The following FCER1A variants were observed in gnomAD, a reference collection of about 807,000 sequenced individuals.
FCER1A encodes the protein high affinity immunoglobulin epsilon receptor subunit alpha.
A neutral mutation model predicts 23.6 loss-of-function variants in FCER1A; 24 were observed. That is an observed-to-expected ratio of 1.02 (90% confidence interval 0.74 to 1.43). The LOEUF (loss-of-function observed/expected upper bound fraction) is 1.43, where lower values mean the gene tolerates loss of function less well. Among genes scored for constraint, FCER1A ranks in the 40% most tolerant of loss-of-function variants. The pLI is 0.00. For synonymous variants in FCER1A, 121 were observed against 108.8 expected (o/e 1.11, Z -0.70); for missense variants, 318 against 294.5 (o/e 1.08, Z -0.58).
intron 4 of FCER1A, among the ~76,000 whole-genome samples, chr1:159,306,461 A>G (rs184361590): frequency 6.6e-6 from 1 of 152,328 alleles, no homozygotes; most frequent in Admixed American, 6.5e-5. Context: ...TGCTTGCACT[A>G]TGAAATTTTT....
intron 1 of FCER1A, among the ~76,000 whole-genome samples, chr1:159,296,888 GT>G (rs1373340118): frequency 1.3e-5 from 2 of 152,092 alleles, no homozygotes; most frequent in Non-Finnish European, 2.9e-5. Flanking sequence ...CCCTCCCACT[GT>G]TCCCATCCTC....
chr1:159,304,276 C>G (rs1401542889), intron 3 of FCER1A, 94 bp downstream of exon 3: 1 of 1,260,676 alleles, frequency 7.9e-7, no homozygotes, highest in African/African-American at 1.5e-5. Flanking sequence ...GGTTAGGACA[C>G]CAGAGTGGGA....
chr1:159,293,909 G>A (rs1652227525), intron 1 of FCER1A, among the ~76,000 whole-genome samples: 1 of 151,618 alleles, frequency 6.6e-6, no homozygotes, highest in Non-Finnish European at 1.5e-5. Context: ...GTGGGCGAAG[G>A]ACATGAACAG....
intron 3 of FCER1A, among the ~76,000 whole-genome samples, chr1:159,304,510 G>A (rs1418929088): frequency 1.3e-5 from 2 of 152,158 alleles, no homozygotes; most frequent in South Asian, 2.1e-4. Context: ...GGGAGGCTGA[G>A]GCAGGAGAAT....
chr1:159,302,625 C>G (rs184864413), intron 1 of FCER1A, among the ~76,000 whole-genome samples: 4 of 152,278 alleles, frequency 2.6e-5, no homozygotes, highest in Admixed American at 6.5e-5. Context: ...AGACTGAAAG[C>G]TTGGTTCCTT....
At chr1:159,289,445 T>C (rs949511646), upstream of FCER1A, among the ~76,000 whole-genome samples, 5 of 152,182 alleles carry the variant, frequency 3.3e-5, no homozygotes, top group Admixed American at 6.5e-5. Flanking sequence ...ATCTTTCCAT[T>C]TCATACACAC....
chr1:159,306,377 G>A (rs927344073), intron 4 of FCER1A, 132 bp downstream of exon 4: 18 of 746,596 alleles, frequency 2.4e-5, no homozygotes, highest in Non-Finnish European at 3.7e-5. Flanking sequence ...CTTGCAATGA[G>A]GAGACCTGGG....
At chr1:159,299,452 G>A (rs1389389318), upstream of FCER1A, among the ~76,000 whole-genome samples, 4 of 152,116 alleles carry the variant, frequency 2.6e-5, no homozygotes, top group South Asian at 2.1e-4. Flanking sequence ...AGCCTCTCAC[G>A]CTGGATCCAG....
At chr1:159,302,310 T>C (rs1032429243), upstream of FCER1A, 26 of 1,259,648 alleles carry the variant, frequency 2.1e-5, no homozygotes, top group South Asian at 3.1e-4. Context: ...TTTAAGCCTA[T>C]ATTTGAAGCC....
chr1:159,295,950 G>A (rs1420443255), intron 1 of FCER1A, among the ~76,000 whole-genome samples: 1 of 152,076 alleles, frequency 6.6e-6, no homozygotes. Context: ...TGATGCTAGA[G>A]AAAAGAATAA....
At position 159,307,752 on chromosome 1, in the gene FCER1A, G is replaced by A. The variant is rs142312060; in HGVS notation, c.594G>A (p.Pro198=). The change falls in exon 5 of 5, where the codon CCG becomes CCA. Residue 198 remains proline (P), a synonymous_variant. Transcript: ENST00000693622. Reference sequence around the variant, plus strand: ...TGCATCTGTGTTCCACTACAGCTCCGCGTGAGAAGTACTGGCTACAATTTT... The same window carrying A: ...TGCATCTGTGTTCCACTACAGCTCCACGTGAGAAGTACTGGCTACAATTTT... ...EPLNITVIKA[P]REKYWLQFFI... is the part of the protein sequence containing the mutation. 3.3e-3 allele frequency: 5,266 copies of A among 1,597,152 alleles called. 29 individuals carry two copies. Among genetic ancestry groups the A allele is most frequent in the Middle Eastern group, 0.015 (92 of 6,006 alleles).
chr1:159,285,020 C>T (rs569167672), upstream of FCER1A, among the ~76,000 whole-genome samples: 42 of 152,252 alleles, frequency 2.8e-4, no homozygotes, highest in South Asian at 2.7e-3. Context: ...TGAGTCTAGA[C>T]TAGGGTTTCT....
chr1:159,300,295 T>A (rs1339295185), upstream of FCER1A, among the ~76,000 whole-genome samples: 1 of 152,130 alleles, frequency 6.6e-6, no homozygotes, highest in Non-Finnish European at 1.5e-5. Context: ...AATAGACTAT[T>A]TGAGTCATGG....
intron 1 of FCER1A, among the ~76,000 whole-genome samples, chr1:159,292,692 A>G (rs867894033): frequency 2.0e-5 from 3 of 152,258 alleles, no homozygotes; most frequent in Middle Eastern, 3.4e-3. Flanking sequence ...ATACATGTCT[A>G]TGGTTTGAGT....
chr1:159,284,755 C>T (rs1289392661), upstream of FCER1A, among the ~76,000 whole-genome samples: 3 of 152,212 alleles, frequency 2.0e-5, no homozygotes, highest in Non-Finnish European at 4.4e-5. Context: ...ATGATTATTA[C>T]TTTTGTAGCC....
At position 159,296,279 on chromosome 1, in the gene FCER1A, C is replaced by A. The variant is rs150625915; in HGVS notation, c.-59-6027C>A. On this transcript the variant is annotated intron_variant, in intron 1 of 5. Coordinates refer to the FCER1A transcript ENST00000368115. ...AAACTGGATCTACCTCTGCTACTTACACACACATATATTTTTTAATCAGTA... is the reference window on the plus strand; with the variant it reads ...AAACTGGATCTACCTCTGCTACTTAAACACACATATATTTTTTAATCAGTA... 1.5e-3 allele frequency among the ~76,000 whole-genome samples: 232 copies of A among 152,220 alleles called. 2 individuals carry two copies. Among genetic ancestry groups the A allele is most frequent in the African/African-American group, 5.3e-3 (219 of 41,534 alleles).
chr1:159,295,479 C>T (rs2102220698), intron 1 of FCER1A, among the ~76,000 whole-genome samples: 1 of 152,234 alleles, frequency 6.6e-6, no homozygotes. Flanking sequence ...GAAAAACGTA[C>T]AAATTTTCTA....
upstream of FCER1A, among the ~76,000 whole-genome samples, chr1:159,298,133 A>G (rs753138275): frequency 2.6e-5 from 4 of 152,148 alleles, no homozygotes; most frequent in African/African-American, 9.6e-5. Context: ...CTTAACTACA[A>G]GACACCACAA....
Position 159,307,930 on chromosome 1 carries a change from T to G in FCER1A, c.772T>G (p.Ter258GlyextTer44). The G allele has an allele frequency of 6.3e-7, 1 of 1,578,318 alleles. No homozygotes were observed. The highest frequency in any genetic ancestry group is 8.6e-7 in the Non-Finnish European group (1 of 1,156,378). The change falls in exon 5 of 5, where the codon TGA becomes GGA. Residue 258 changes from the stop codon to glycine (G), a stop_lost. Transcript: ENST00000693622. ...PHPKPNPKNN[*>G] ...TCCTAAGCCAAACCCCAAAAACAACTGATATAATTACTCAAGAAATATTTG... is the reference window on the plus strand; with the variant it reads ...TCCTAAGCCAAACCCCAAAAACAACGGATATAATTACTCAAGAAATATTTG...
Sources: gnomAD v4.1 joint callset for allele counts (sites outside exome capture counted in the v4.1 genomes callset) on GRCh38, gnomAD v4.1.1 for gene constraint, MANE v1.5 for transcripts, NCBI Gene and HGNC (gene_info 2026-07-23, HGNC 2026-07-21) for gene names.